The following DOCK10 variants were observed in gnomAD, a reference collection of about 807,000 sequenced individuals.
DOCK10 encodes the protein dedicator of cytokinesis protein 10.
Under a neutral mutation model 280.1 loss-of-function variants are expected in DOCK10, and 145 were observed. The observed-to-expected ratio is 0.52, with a 90% CI of 0.45 to 0.59. DOCK10 has a LOEUF of 0.59. DOCK10 is among the 20% of genes least tolerant of loss of function. The pLI, the probability that DOCK10 is intolerant of heterozygous loss-of-function variation, is 0.00. For missense variants in DOCK10, 2,368 were observed against 2,651.7 expected (o/e 0.89, Z 2.35); for synonymous variants, 915 against 942.2 (o/e 0.97, Z 0.53).
At chr2:224,986,579 A>G (rs1277267313) in intron 1 of DOCK10, among the ~76,000 whole-genome samples, 3 of 151,792 alleles carry the variant, frequency 2.0e-5, no homozygotes, top group Non-Finnish European at 4.4e-5. Flanking sequence ...CTCTAGAACT[A>G]ATGTCCTTAT....
In DOCK10 at chr2:224,770,289, G is replaced by A; in HGVS notation, c.6366C>T (p.Asp2122=). ...TCAGTTCTTCCTGGTACTCCAGCTG[G>A]TCCTCTTTGATGAGGCGCTCATTCA... The part of the protein sequence containing the change: ...LDVNERLIKE[D]QLEYQEELRS... Residue 2122 remains aspartate (D), a synonymous_variant, in exon 55 of 56, where the codon GAC becomes GAT. Transcript: ENST00000258390. The surrounding 1 kb of genome is among the most constrained non-coding windows in gnomAD (Gnocchi z 4.5). 6.2e-7 allele frequency: 1 copy of A among 1,607,148 alleles called. No individual in the cohort carries two copies. Among genetic ancestry groups the A allele is most frequent in the Non-Finnish European group, 8.5e-7 (1 of 1,176,816 alleles).
chr2:224,978,746 A>G (rs893172914), intron 1 of DOCK10, among the ~76,000 whole-genome samples: 3 of 152,186 alleles, frequency 2.0e-5, no homozygotes, highest in East Asian at 3.8e-4. Flanking sequence ...TCCTCTTTAT[A>G]TAGTTCCTTG....
intron 7 of DOCK10, among the ~76,000 whole-genome samples, chr2:224,882,840 T>C (rs1458595476): frequency 6.6e-6 from 1 of 152,210 alleles, no homozygotes; most frequent in Non-Finnish European, 1.5e-5. Flanking sequence ...ATGGTTAAAC[T>C]GGCACTATTT....
intron 2 of DOCK10, among the ~76,000 whole-genome samples, chr2:224,928,933 T>C (rs933318150): frequency 3.3e-5 from 5 of 152,230 alleles, no homozygotes; most frequent in African/African-American, 1.2e-4. Flanking sequence ...TGCAAACGCC[T>C]TATCCTGTCC....
intron 3 of DOCK10, among the ~76,000 whole-genome samples, chr2:224,909,704 G>A (rs1352911237): frequency 6.6e-6 from 1 of 151,998 alleles, no homozygotes; most frequent in East Asian, 1.9e-4. Flanking sequence ...TGCAAAATGA[G>A]GTAGTAATAC....
rs1397486904 is a variant in DOCK10, at chr2:224,789,057, G to A, written c.5418+7C>T. The A allele has an allele frequency of 6.3e-7, 1 of 1,591,728 alleles. No individual in the cohort carries two copies. Among genetic ancestry groups the A allele is most frequent in the Non-Finnish European group, 8.6e-7 (1 of 1,160,580 alleles). On this transcript the variant is annotated splice_region_variant and intron_variant, in intron 48 of 55. Coordinates refer to ENST00000258390, the MANE Select transcript of DOCK10 (RefSeq NM_014689.3). Reference sequence around the variant, plus strand: ...CGTTACTGTACATGAGATAATTTTGGTCTAACCTCATTGTATGGTGTATCT... The same window carrying A: ...CGTTACTGTACATGAGATAATTTTGATCTAACCTCATTGTATGGTGTATCT...
At chr2:224,807,852 A>G (rs1387416575) in intron 32 of DOCK10, 59 bp downstream of exon 32, 7 of 1,586,642 alleles carry the variant, frequency 4.4e-6, no homozygotes, top group African/African-American at 1.3e-5. Context: ...TTTCATATGC[A>G]TTTAATGCAG....
intron 1 of DOCK10, among the ~76,000 whole-genome samples, chr2:225,038,900 T>G (rs932323309): frequency 1.3e-5 from 2 of 152,056 alleles, no homozygotes; most frequent in Non-Finnish European, 2.9e-5. Flanking sequence ...CCTAAAACAT[T>G]CCATAAATAA....
chr2:225,016,728 G>T (rs186155467), intron 1 of DOCK10, among the ~76,000 whole-genome samples: 83 of 148,540 alleles, frequency 5.6e-4, no homozygotes, highest in African/African-American at 2.0e-3. Flanking sequence ...TTTGAGACAG[G>T]GTCTCACTCT....
intron 6 of DOCK10, 58 bp downstream of exon 6, chr2:224,886,005 G>C (rs1699255931): frequency 6.2e-7 from 1 of 1,608,456 alleles, no homozygotes; most frequent in South Asian, 1.1e-5. Flanking sequence ...GCTGTGACCA[G>C]AGGAGGGAGT....
chr2:224,887,659 T>A (rs2125770511), intron 4 of DOCK10, among the ~76,000 whole-genome samples: 1 of 152,336 alleles, frequency 6.6e-6, no homozygotes, highest in Non-Finnish European at 1.5e-5. Flanking sequence ...TTTTTCTTTT[T>A]TAAAGTAAAT....
At chr2:224,865,723 A>AT (rs1042138128) in intron 11 of DOCK10, among the ~76,000 whole-genome samples, 1 of 152,080 alleles carries the variant, frequency 6.6e-6, no homozygotes, top group East Asian at 1.9e-4. Context: ...GATATTAACT[A>AT]TTTTTTCTCT....
intron 1 of DOCK10, among the ~76,000 whole-genome samples, chr2:224,933,209 G>A (rs925580252): frequency 2.6e-5 from 4 of 152,068 alleles, no homozygotes; most frequent in South Asian, 2.1e-4. Context: ...CTTGGGGAGT[G>A]GAAAAAAAGA....
At position 224,823,615 on chromosome 2, in the gene DOCK10, G is replaced by T; in HGVS notation, c.3069C>A (p.Tyr1023Ter). Residue 1023 changes from tyrosine to a stop codon, truncating the protein, a stop_gained, in exon 28 of 56, where the codon TAC becomes TAA. Coordinates refer to ENST00000258390, the MANE Select transcript of DOCK10 (RefSeq NM_014689.3). LOFTEE classifies it high-confidence loss of function. ...LPRPQRFPES[Y>*]QNELDNLVMV... ...TGACAAGATTGTCCAATTCATTTTG[G>T]TAAGATTCAGGAAATCTCTGAGGCC... The T allele has an allele frequency of 6.2e-7, 1 of 1,602,608 alleles. No individual in the cohort carries two copies.
Position 224,844,855 on chromosome 2 carries a change from T to G in DOCK10, c.2482-16A>C, listed in dbSNP as rs567510748. ...TCCCACCATGCTGCAAAATAAAGTT[T>G]GTTTACTGTCACTGGGACAATTCGA... is the stretch of plus-strand genomic sequence containing the variant. On this transcript the variant is annotated splice_polypyrimidine_tract_variant and intron_variant, in intron 21 of 55. Coordinates refer to ENST00000258390, the MANE Select transcript of DOCK10 (RefSeq NM_014689.3). 7 of 1,569,476 alleles carry G rather than the reference T, an allele frequency of 4.5e-6. No homozygotes were observed. The highest frequency in any genetic ancestry group is 3.4e-5 in the Admixed American group (2 of 58,058).
chr2:224,940,463 C>A (rs1034175776), intron 1 of DOCK10, among the ~76,000 whole-genome samples: 20 of 152,166 alleles, frequency 1.3e-4, no homozygotes, highest in Non-Finnish European at 5.9e-5. Flanking sequence ...AAAGGAGGAC[C>A]TCTTTTAGCT....
chr2:224,794,961 G>A lies in DOCK10; in HGVS notation c.5072C>T (p.Ser1691Phe). 6.2e-7 allele frequency: 1 copy of A among 1,613,880 alleles called. No individual in the cohort carries two copies. The highest frequency in any genetic ancestry group is 8.5e-7 in the Non-Finnish European group (1 of 1,179,844). Residue 1691 changes from serine (S) to phenylalanine (F), a missense_variant, in exon 45 of 56, where the codon TCC becomes TTC. Physicochemically the swap from Ser to Phe is radical, Grantham distance 155 (BLOSUM62 -2). Around this residue, in one of 2 missense-constraint regions of DOCK10, gnomAD observed 1,159 missense variants for 1,400.8 expected, o/e 0.83. Transcript: ENST00000258390. ...LVDLQYSLAN[S>F]YASTPELRRT... ...GCGTAGTTCAGGAGTGCTTGCGTAG[G>A]AGTTTGCCAGGCTGTACTGGAGATC...
rs1291437967 is a variant in DOCK10, at chr2:224,864,561, A to G, written c.1594T>C (p.Ser532Pro). Residue 532 changes from serine to proline, a missense_variant, in exon 13 of 56, where the codon TCC becomes CCC. Coordinates refer to ENST00000258390, the MANE Select transcript of DOCK10 (RefSeq NM_014689.3). Reference protein sequence around the residue: ...GAEPYIKNPDSNKYAQKILKS... With the variant: ...GAEPYIKNPDPNKYAQKILKS... ...ATAAGATTATACATTACCTTGTTGG[A>G]GTCTGGGTTCTTAATATAAGGTTCG... 1 of 1,594,290 alleles carries G rather than the reference A, an allele frequency of 6.3e-7. No homozygotes were observed. The highest frequency in any genetic ancestry group is 1.2e-5 in the South Asian group (1 of 86,596).
At chr2:224,832,135 C>T (rs1695280776) in intron 26 of DOCK10, among the ~76,000 whole-genome samples, 2 of 152,228 alleles carry the variant, frequency 1.3e-5, no homozygotes, top group African/African-American at 4.8e-5. Context: ...ACTCCTTCCA[C>T]CACAGATAAC....
Sources: allele counts gnomAD v4.1 joint callset (sites outside exome capture counted in the v4.1 genomes callset), GRCh38; gene constraint gnomAD v4.1.1; regional missense constraint gnomAD v4.1.1; non-coding constraint Gnocchi (gnomAD v3.1); transcripts MANE v1.5; gene names NCBI Gene and HGNC (gene_info 2026-07-23, HGNC 2026-07-21).